The following FBXL7 variants were observed in gnomAD, a reference collection of about 807,000 sequenced individuals.
FBXL7 encodes F-box and leucine rich repeat protein 7.
Under a neutral mutation model 38.3 loss-of-function variants are expected in FBXL7, and 12 were observed. The observed-to-expected ratio is 0.31, with a 90% CI of 0.20 to 0.51. FBXL7 has a LOEUF of 0.51. Ranked by LOEUF, FBXL7 falls within the 20% of genes least tolerant of loss-of-function variation. The probability of loss-of-function intolerance (pLI) is 0.98; values close to 1 mark genes in which losing one functional copy is unlikely to be tolerated. For synonymous variants in FBXL7, 297 were observed against 300.9 expected (o/e 0.99, Z 0.13); for missense variants, 567 against 676.4 (o/e 0.84, Z 1.79).
At chr5:15,522,918 A>G (rs975325543) in intron 1 of FBXL7, among the ~76,000 whole-genome samples, 1 of 152,256 alleles carries the variant, frequency 6.6e-6, no homozygotes, top group African/African-American at 2.4e-5. Flanking sequence ...GTTATTTGAC[A>G]TTCATAATTT....
intron 1 of FBXL7, among the ~76,000 whole-genome samples, chr5:15,575,946 C>T (rs182782769): frequency 1.0e-3 from 155 of 152,234 alleles, no homozygotes; most frequent in African/African-American, 3.2e-3. Context: ...TTCAAAAATA[C>T]ATTCTCCATT....
At chr5:15,570,613 A>G (rs1580377286) in intron 1 of FBXL7, among the ~76,000 whole-genome samples, 1 of 152,282 alleles carries the variant, frequency 6.6e-6, no homozygotes, top group African/African-American at 2.4e-5. Flanking sequence ...GTTCAGCTCT[A>G]TGCAAGGTAC....
intron 1 of FBXL7, chr5:15,501,534 T>G: frequency 2.0e-6 from 2 of 985,566 alleles, no homozygotes; most frequent in Non-Finnish European, 2.4e-6. Context: ...AAGGTTTGTG[T>G]CTAGTGGTCT....
chr5:15,710,742 T>C (rs191008459), intron 2 of FBXL7, among the ~76,000 whole-genome samples: 2 of 152,188 alleles, frequency 1.3e-5, no homozygotes, highest in Non-Finnish European at 2.9e-5. Flanking sequence ...TTTCTAGGGC[T>C]GCCATAACAA....
At chr5:15,768,470 G>A in intron 2 of FBXL7, among the ~76,000 whole-genome samples, 1 of 151,508 alleles carries the variant, frequency 6.6e-6, no homozygotes, top group East Asian at 1.9e-4. Context: ...GGTGGAGGTC[G>A]CAGTGAGCCG....
chr5:15,929,440 G>A (rs1047231452), intron 3 of FBXL7, among the ~76,000 whole-genome samples: 4 of 152,042 alleles, frequency 2.6e-5, no homozygotes, highest in Admixed American at 6.5e-5. Flanking sequence ...GCAACAAAGC[G>A]AGACCCCTCT....
chr5:15,904,197 T>C (rs1741300705), intron 2 of FBXL7, among the ~76,000 whole-genome samples: 1 of 152,200 alleles, frequency 6.6e-6, no homozygotes, highest in African/African-American at 2.4e-5. Flanking sequence ...TGTGTTTTGA[T>C]AGGTTTTCAA....
At chr5:15,592,306 A>G (rs1366653) in intron 1 of FBXL7, among the ~76,000 whole-genome samples, 82,242 of 151,852 alleles carry the variant, frequency 0.54, 23,005 homozygotes, top group African/African-American at 0.67. Flanking sequence ...GAACAGCAGC[A>G]GCATGGAGAT....
intron 2 of FBXL7, among the ~76,000 whole-genome samples, chr5:15,880,283 G>C (rs1477821339): frequency 3.1e-5 from 1 of 32,246 alleles, no homozygotes; most frequent in African/African-American, 2.0e-4. Flanking sequence ...CCCTGAGCTG[G>C]CCATAGCTAT....
Position 15,863,819 on chromosome 5 carries a change from A to G in FBXL7, c.128-64071A>G, listed in dbSNP as rs377766784. ...ACTCTCTCATGCTTCCTCTCTTTGTATGCTCTCTGCCCATGCAGGGTCCTC... is the reference window on the plus strand; with the variant it reads ...ACTCTCTCATGCTTCCTCTCTTTGTGTGCTCTCTGCCCATGCAGGGTCCTC... On this transcript the variant is annotated intron_variant, in intron 2 of 3. Transcript: ENST00000504595. 2.6e-5 allele frequency among the ~76,000 whole-genome samples: 4 copies of G among 152,232 alleles called. No homozygotes were observed. In the South Asian group the frequency reaches 6.2e-4, roughly 24 times the overall value.
At chr5:15,542,357 C>T (rs1737777536) in intron 1 of FBXL7, among the ~76,000 whole-genome samples, 1 of 152,060 alleles carries the variant, frequency 6.6e-6, no homozygotes, top group South Asian at 2.1e-4. Flanking sequence ...TCTTGGTTAT[C>T]CCATTTTAGC....
At chr5:15,874,669 A>G (rs905524865) in intron 2 of FBXL7, among the ~76,000 whole-genome samples, 1 of 152,166 alleles carries the variant, frequency 6.6e-6, no homozygotes, top group Non-Finnish European at 1.5e-5. Context: ...CACAATTGCT[A>G]CAAAGAGAAT....
At chr5:15,572,413 T>C (rs369317996) in intron 1 of FBXL7, among the ~76,000 whole-genome samples, 3 of 151,030 alleles carry the variant, frequency 2.0e-5, no homozygotes, top group African/African-American at 7.3e-5. Flanking sequence ...AAAAAAAATC[T>C]TGTTCAGGGT....
At chr5:15,649,655 C>G (rs78387238) in intron 2 of FBXL7, among the ~76,000 whole-genome samples, 12,843 of 151,610 alleles carry the variant, frequency 0.085, 665 homozygotes, top group South Asian at 0.13. Flanking sequence ...ATAACTTGCC[C>G]TTTTCACATG....
intron 1 of FBXL7, among the ~76,000 whole-genome samples, chr5:15,589,940 A>T (rs1395324842): frequency 6.6e-6 from 1 of 152,188 alleles, no homozygotes; most frequent in African/African-American, 2.4e-5. Flanking sequence ...GCTGTGAATA[A>T]TTGCCTTCAC....
intron 2 of FBXL7, among the ~76,000 whole-genome samples, chr5:15,874,250 G>A (rs919373750): frequency 1.3e-5 from 2 of 152,104 alleles, no homozygotes; most frequent in Non-Finnish European, 2.9e-5. Context: ...CAATAAACTA[G>A]GTATTGATGA....
At chr5:15,562,498 A>G (rs1738440132) in intron 1 of FBXL7, among the ~76,000 whole-genome samples, 1 of 152,216 alleles carries the variant, frequency 6.6e-6, no homozygotes, top group Admixed American at 6.5e-5. Context: ...CAACAGGTAT[A>G]TGAAAAGGTG....
intron 2 of FBXL7, among the ~76,000 whole-genome samples, chr5:15,771,645 A>C (rs1736729103): frequency 6.6e-6 from 1 of 152,096 alleles, no homozygotes; most frequent in African/African-American, 2.4e-5. Context: ...TACTCAATGT[A>C]GGTATTACTG....
chr5:15,714,738 A>G (rs187367397), intron 2 of FBXL7, among the ~76,000 whole-genome samples: 330 of 151,410 alleles, frequency 2.2e-3, no homozygotes, highest in African/African-American at 7.5e-3. Flanking sequence ...AGTCCCAGCT[A>G]CTCGGGAGGC....
Sources: allele counts gnomAD v4.1 joint callset (sites outside exome capture counted in the v4.1 genomes callset), GRCh38; gene constraint gnomAD v4.1.1; transcripts MANE v1.5; gene names NCBI Gene and HGNC (gene_info 2026-07-23, HGNC 2026-07-21).